PLEKHO2: variants seen among roughly 807,000 people sequenced by gnomAD.
PLEKHO2 encodes pleckstrin homology domain-containing family O member 2.
PLEKHO2 carries 20 observed loss-of-function variants against 32.7 expected under a neutral mutation model. The ratio of observed to expected loss-of-function variants is 0.61; its 90% CI spans 0.43 to 0.89. The LOEUF (loss-of-function observed/expected upper bound fraction) is 0.89. Ranked by LOEUF, PLEKHO2 falls within the 40% of genes least tolerant of loss-of-function variation. The pLI is 0.00. For missense variants in PLEKHO2, 568 were observed against 621.2 expected (o/e 0.91, Z 0.91); for synonymous variants, 247 against 246.3 (o/e 1.00, Z -0.03).
chr15:64,843,586 T>C (rs1223166876), intron 1 of PLEKHO2, among the ~76,000 whole-genome samples: 10 of 151,378 alleles, frequency 6.6e-5, no homozygotes, highest in Non-Finnish European at 1.3e-4. Context: ...TCTTTTCTTT[T>C]TTTTTTTTTT....
chr15:64,842,087 G>A, intron 1 of PLEKHO2, 59 bp downstream of exon 1: 1 of 1,222,848 alleles, frequency 8.2e-7, no homozygotes, highest in Non-Finnish European at 1.0e-6. Context: ...CACGGGGATT[G>A]CGGTCCTGGG....
At chr15:64,843,088 G>A (rs1043422791) in intron 1 of PLEKHO2, among the ~76,000 whole-genome samples, 1 of 152,168 alleles carries the variant, frequency 6.6e-6, no homozygotes, top group African/African-American at 2.4e-5. Context: ...TGAGTGGACC[G>A]GACTGCCTGT....
rs2084696716 is a variant in PLEKHO2, at chr15:64,867,362, G to A, written c.*1474G>A. The A allele has an allele frequency of 6.5e-6, 1 of 152,736 alleles. No homozygotes were observed. Among genetic ancestry groups the A allele is most frequent in the Non-Finnish European group, 1.5e-5 (1 of 68,180 alleles). 9.5% of individuals were successfully genotyped at this position (152,736 alleles called of 1,614,324 possible). Reference sequence around the variant, plus strand: ...GAGGTAGTAGTCAAGGATCAGGAGGGGCAGATGTCTTCTCTGGGCTGCGTG... The same window carrying A: ...GAGGTAGTAGTCAAGGATCAGGAGGAGCAGATGTCTTCTCTGGGCTGCGTG... On this transcript the variant is annotated 3_prime_UTR_variant, in exon 6 of 6. Transcript: ENST00000323544.
chr15:64,862,311 C>A (rs1260872502), intron 5 of PLEKHO2, among the ~76,000 whole-genome samples: 1 of 151,856 alleles, frequency 6.6e-6, no homozygotes, highest in Admixed American at 6.6e-5. Flanking sequence ...GGCGGCTTTC[C>A]AGGCCCCTGG....
chr15:64,854,188 T>C (rs1346632086), intron 2 of PLEKHO2, among the ~76,000 whole-genome samples: 1 of 151,386 alleles, frequency 6.6e-6, no homozygotes, highest in Admixed American at 6.6e-5. Flanking sequence ...ATGTCAGGAG[T>C]GGTGGGCAGG....
At chr15:64,861,419 C>T (rs1417880382) in intron 4 of PLEKHO2, 58 bp from the exon 5 acceptor site, 13 of 1,386,640 alleles carry the variant, frequency 9.4e-6, no homozygotes, top group Non-Finnish European at 1.3e-5. Flanking sequence ...TCCGCCCTGG[C>T]TACTTCCCAC....
intron 1 of PLEKHO2, among the ~76,000 whole-genome samples, chr15:64,844,870 C>G (rs531398261): frequency 6.6e-6 from 1 of 152,304 alleles, no homozygotes; most frequent in Non-Finnish European, 1.5e-5. Flanking sequence ...AGTGCTATGT[C>G]TCTGCCAATA....
At chr15:64,860,034 T>C in intron 4 of PLEKHO2, 36 bp downstream of exon 4, 2 of 1,580,778 alleles carry the variant, frequency 1.3e-6, no homozygotes, top group Non-Finnish European at 1.7e-6. Flanking sequence ...CAGCTCTGTG[T>C]CTCCTTTCCC....
chr15:64,863,521 G>T (rs1400791994), intron 5 of PLEKHO2, among the ~76,000 whole-genome samples: 6 of 31,674 alleles, frequency 1.9e-4, no homozygotes, highest in East Asian at 0.01. Flanking sequence ...GTGTGTGTTT[G>T]TGTGTGTGTG....
At chr15:64,855,477 A>G (rs2084600489) in intron 3 of PLEKHO2, among the ~76,000 whole-genome samples, 2 of 152,092 alleles carry the variant, frequency 1.3e-5, no homozygotes, top group African/African-American at 4.8e-5. Context: ...GCCTCCCTTC[A>G]TCCCAGGCCT....
At chr15:64,849,537 A>G (rs966221772) in intron 2 of PLEKHO2, among the ~76,000 whole-genome samples, 7 of 144,730 alleles carry the variant, frequency 4.8e-5, no homozygotes, top group Non-Finnish European at 1.1e-4. Flanking sequence ...GCCGCCTCCC[A>G]GGTTCAAACA....
intron 2 of PLEKHO2, among the ~76,000 whole-genome samples, chr15:64,852,116 C>G (rs2084574075): frequency 6.6e-6 from 1 of 152,136 alleles, no homozygotes; most frequent in South Asian, 2.1e-4. Context: ...TGTGTTTTCC[C>G]ATGGCAGGAC....
chr15:64,862,201 CAAGG>C (rs1040391334), intron 5 of PLEKHO2, among the ~76,000 whole-genome samples: 1 of 151,774 alleles, frequency 6.6e-6, no homozygotes, highest in Non-Finnish European at 1.5e-5. Flanking sequence ...AAGCTGGAGA[CAAGG>C]AAGGGAGAGT....
chr15:64,866,007 A>G lies in PLEKHO2; in HGVS notation c.*119A>G, dbSNP rs2084683807. The G allele has an allele frequency of 2.3e-6, 3 of 1,319,522 alleles. No homozygotes were observed. Among genetic ancestry groups the G allele is most frequent in the Non-Finnish European group, 3.0e-6 (3 of 985,090 alleles). The allele number at this position is 1,319,522 out of a possible 1,614,324, so 81.7% of individuals were successfully genotyped here. On this transcript the variant is annotated 3_prime_UTR_variant, in exon 6 of 6. Coordinates refer to ENST00000323544, the MANE Select transcript of PLEKHO2 (RefSeq NM_025201.5). ...AATGGCTGCAGGAGGGCCATTGGGC[A>G]TGTCAGGGTTTGGCCATGACCCGAA...
intron 1 of PLEKHO2, among the ~76,000 whole-genome samples, chr15:64,843,445 G>A (rs1413276205): frequency 6.6e-6 from 1 of 152,204 alleles, no homozygotes; most frequent in Non-Finnish European, 1.5e-5. Context: ...CCTGCTCCCA[G>A]AGGATGTGGG....
chr15:64,844,878 A>G (rs925403715), intron 1 of PLEKHO2, among the ~76,000 whole-genome samples: 1 of 152,146 alleles, frequency 6.6e-6, no homozygotes, highest in Admixed American at 6.5e-5. Flanking sequence ...GTCTCTGCCA[A>G]TAGGCTGGAG....
chr15:64,865,185 G>A lies in PLEKHO2; in HGVS notation c.770G>A (p.Gly257Asp), dbSNP rs767204419. The A allele has an allele frequency of 2.5e-6, 4 of 1,614,150 alleles. No homozygotes were observed. Among genetic ancestry groups the A allele is most frequent in the Non-Finnish European group, 3.4e-6 (4 of 1,180,026 alleles). Residue 257 changes from glycine (G) to aspartate (D), a missense_variant, in exon 6 of 6, where the codon GGC becomes GAC. Gly to Asp is a moderately conservative substitution (Grantham distance 94). Transcript: ENST00000323544. The stretch of plus-strand genomic sequence containing the variant: ...GAGACCCCAGCAGAGGAGGACAGTG[G>A]CTCTGAGCAGCCTCCCAACAGCGTC... Reference protein sequence around the residue: ...DSETPAEEDSGSEQPPNSVLP... With the variant: ...DSETPAEEDSDSEQPPNSVLP...
rs1252223753 is a variant in PLEKHO2 at position 64,865,007 on chromosome 15, G to A, written c.592G>A (p.Glu198Lys). ...TCATGTCAGTGAAGCCCAACCTCGG[G>A]AGACACCCCGGCCCCTCATGCCTCC... ...SNHVSEAQPR[E>K]TPRPLMPPTK... The change falls in exon 6 of 6, where the codon GAG (glutamate) becomes AAG (lysine). Residue 198 changes from glutamate to lysine, a missense_variant. Coordinates refer to ENST00000323544, the MANE Select transcript of PLEKHO2 (RefSeq NM_025201.5). The A allele has an allele frequency of 1.2e-6, 2 of 1,614,036 alleles. No individual in the cohort carries two copies. The highest frequency in any genetic ancestry group is 2.2e-5 in the East Asian group (1 of 44,896).
At chr15:64,843,791 G>T (rs2084503537) in intron 1 of PLEKHO2, among the ~76,000 whole-genome samples, 1 of 152,008 alleles carries the variant, frequency 6.6e-6, no homozygotes, top group African/African-American at 2.4e-5. Context: ...TGTTGGTCAG[G>T]CTGGTCTCGA....
Sources: allele counts gnomAD v4.1 joint callset (sites outside exome capture counted in the v4.1 genomes callset), GRCh38; gene constraint gnomAD v4.1.1; transcripts MANE v1.5; gene names NCBI Gene and HGNC (gene_info 2026-07-23, HGNC 2026-07-21).